Variants in UBR7 observed in about 807,000 individuals in gnomAD.
UBR7 encodes ubiquitin protein ligase E3 component n-recognin 7.
Under a neutral mutation model 57.0 loss-of-function variants are expected in UBR7, and 22 were observed. The observed-to-expected ratio is 0.39, with a 90% confidence interval of 0.28 to 0.55. UBR7 has a LOEUF of 0.55. Ranked by LOEUF, UBR7 falls within the 20% of genes least tolerant of loss-of-function variation. UBR7 has a pLI of 0.69. For synonymous variants in UBR7, 167 were observed against 179.8 expected (o/e 0.93, Z 0.57); for missense variants, 395 against 513.2 (o/e 0.77, Z 2.23).
intron 10 of UBR7, 65 bp downstream of exon 10, chr14:93,222,439 T>G: frequency 7.9e-7 from 1 of 1,265,196 alleles, no homozygotes; most frequent in South Asian, 1.2e-5. Flanking sequence ...TTATTTCCTT[T>G]GACGATTAAA....
Position 93,228,017 on chromosome 14 carries a change from TAAAGA to T in UBR7, c.*986_*990del, listed in dbSNP as rs1476242437. The T allele has an allele frequency of 1.4e-6, 1 of 698,248 alleles. No homozygotes were observed. Among genetic ancestry groups the T allele is most frequent in the Admixed American group, 2.0e-5 (1 of 49,858 alleles). 43.3% of individuals were successfully genotyped at this position (698,248 alleles called of 1,614,324 possible). On this transcript the variant is annotated 3_prime_UTR_variant, in exon 11 of 11. Coordinates refer to ENST00000013070, the MANE Select transcript of UBR7 (RefSeq NM_175748.4). ...TATTATTTTTCCCCCTTGAATCTGCTAAAGAAAACAGATCCTGACTTAGCTTACTT... is the reference window on the plus strand; with the variant it reads ...TATTATTTTTCCCCCTTGAATCTGCTAAACAGATCCTGACTTAGCTTACTT...
chr14:93,225,578 A>T (rs1248869607), intron 10 of UBR7, among the ~76,000 whole-genome samples: 1 of 152,128 alleles, frequency 6.6e-6, no homozygotes, highest in African/African-American at 2.4e-5. Flanking sequence ...GGCTCCAATG[A>T]GCTATCATCA....
chr14:93,227,063 G>T lies in UBR7; in HGVS notation c.*28G>T. The T allele has an allele frequency of 6.4e-7, 1 of 1,555,570 alleles. No individual in the cohort carries two copies. ...TGGAGTATGAAGCTTTCTCATTCAA[G>T]CCAATGAAAATGCGCTTCCCATTCT... On this transcript the variant is annotated 3_prime_UTR_variant, in exon 11 of 11. Transcript: ENST00000013070.
intron 9 of UBR7, among the ~76,000 whole-genome samples, chr14:93,221,344 C>T (rs1566823729): frequency 6.6e-6 from 1 of 152,002 alleles, no homozygotes; most frequent in East Asian, 1.9e-4. Context: ...GAACTTCTGA[C>T]CTCAGGTGAT....
intron 6 of UBR7, 125 bp from the exon 7 acceptor site, chr14:93,218,402 C>A: frequency 2.3e-6 from 2 of 852,340 alleles, no homozygotes; most frequent in Non-Finnish European, 3.7e-6. Context: ...CAGAGTGAGA[C>A]TCTGTCTGTA....
At chr14:93,221,592 T>G (rs1894708599) in intron 9 of UBR7, among the ~76,000 whole-genome samples, 1 of 152,120 alleles carries the variant, frequency 6.6e-6, no homozygotes, top group South Asian at 2.1e-4. Context: ...CTTTTTGCCT[T>G]TATTAGAGTA....
chr14:93,207,303 C>A lies in UBR7; in HGVS notation c.12C>A (p.Ala4=), dbSNP rs754957007. 3.2e-6 allele frequency: 5 copies of A among 1,555,824 alleles called. No individual in the cohort carries two copies. The African/African-American group carries it at 6.8e-5, about 21-fold the overall frequency. MAG[A]EGAAGRQSEL... ...GCTGACAGTTGAGGATGGCCGGAGC[C>A]GAGGGCGCCGCTGGGCGGCAGTCGG... The change falls in exon 1 of 11, where the codon GCC becomes GCA. Residue 4 remains alanine (A), a synonymous_variant. Coordinates refer to ENST00000013070, the MANE Select transcript of UBR7 (RefSeq NM_175748.4).
At chr14:93,220,218 CTTTCTT>C (rs748250410) in intron 8 of UBR7, 25 bp from the exon 9 acceptor site, 6 of 1,439,736 alleles carry the variant, frequency 4.2e-6, no homozygotes, top group Middle Eastern at 2.1e-4. Flanking sequence ...GGAAACTCCT[CTTTCTT>C]TTTTTTTTTT....
rs754753155 is a variant in UBR7, at chr14:93,228,426, A to G, written c.*1391A>G. 16 of 454,202 alleles carry G rather than the reference A, an allele frequency of 3.5e-5. 1 individual carries two copies. The highest frequency in any genetic ancestry group is 2.5e-4 in the South Asian group (16 of 64,482). 28.1% of individuals were successfully genotyped at this position (454,202 alleles called of 1,614,324 possible). ...TTCAGGCTGTGGGGCCACCATGTATATTAATACTCCTTATGTGTCCAGCAT... is the reference window on the plus strand; with the variant it reads ...TTCAGGCTGTGGGGCCACCATGTATGTTAATACTCCTTATGTGTCCAGCAT... On this transcript the variant is annotated 3_prime_UTR_variant, in exon 11 of 11. Coordinates refer to ENST00000013070, the MANE Select transcript of UBR7 (RefSeq NM_175748.4).
intron 10 of UBR7, chr14:93,224,155 C>T: frequency 1.6e-6 from 1 of 629,712 alleles, no homozygotes; most frequent in Non-Finnish European, 2.8e-6. Context: ...CCTCTCCGCG[C>T]TCGCCACCAC....
chr14:93,213,454 C>A (rs949770857), intron 4 of UBR7, among the ~76,000 whole-genome samples: 6 of 151,872 alleles, frequency 4.0e-5, no homozygotes, highest in African/African-American at 1.5e-4. Flanking sequence ...ACTACAGGTG[C>A]CCGCCACCAC....
In UBR7 at chr14:93,207,297, C is replaced by T. The variant is rs145467017; in HGVS notation, c.6C>T (p.Ala2=). 18 of 1,554,716 alleles carry T rather than the reference C, an allele frequency of 1.2e-5. No individual in the cohort carries two copies. In the African/African-American group the frequency reaches 1.4e-4, roughly 12 times the overall value. The part of the protein sequence containing the change: M[A]GAEGAAGRQS... ...TGTTCGGCTGACAGTTGAGGATGGCCGGAGCCGAGGGCGCCGCTGGGCGGC... is the reference window on the plus strand; with the variant it reads ...TGTTCGGCTGACAGTTGAGGATGGCTGGAGCCGAGGGCGCCGCTGGGCGGC... Residue 2 remains alanine, a synonymous_variant, in exon 1 of 11, where the codon GCC becomes GCT. Coordinates refer to ENST00000013070, the MANE Select transcript of UBR7 (RefSeq NM_175748.4).
At chr14:93,215,333 G>T (rs1894569662) in intron 6 of UBR7, 52 bp downstream of exon 6, 2 of 1,446,460 alleles carry the variant, frequency 1.4e-6, no homozygotes, top group Admixed American at 3.9e-5. Flanking sequence ...TGTGAAATTT[G>T]TATGTTCAAT....
chr14:93,221,763 C>T (rs1042915728), intron 9 of UBR7, among the ~76,000 whole-genome samples: 4 of 151,626 alleles, frequency 2.6e-5, no homozygotes, highest in African/African-American at 7.3e-5. Flanking sequence ...AGGTGGATCA[C>T]CTGAGGTCAG....
intron 6 of UBR7, among the ~76,000 whole-genome samples, chr14:93,216,961 C>A (rs541038482): frequency 1.3e-5 from 2 of 152,142 alleles, no homozygotes; most frequent in Admixed American, 1.3e-4. Flanking sequence ...CTGTTCACAC[C>A]CTTTCCAGTG....
At chr14:93,214,463 A>C (rs954096410) in intron 4 of UBR7, among the ~76,000 whole-genome samples, 1 of 152,256 alleles carries the variant, frequency 6.6e-6, no homozygotes, top group African/African-American at 2.4e-5. Context: ...TATTCAAATT[A>C]GAGGAGTTAT....
chr14:93,225,133 T>C (rs1472497938), intron 10 of UBR7, among the ~76,000 whole-genome samples: 1 of 152,136 alleles, frequency 6.6e-6, no homozygotes, highest in Non-Finnish European at 1.5e-5. Context: ...AAAAATGTGG[T>C]ATTTTTGTTG....
At chr14:93,218,102 A>C (rs1045483355) in intron 6 of UBR7, among the ~76,000 whole-genome samples, 16 of 148,462 alleles carry the variant, frequency 1.1e-4, no homozygotes, top group African/African-American at 3.2e-4. Flanking sequence ...CTCAAAAAAA[A>C]AAAAAAAATA....
intron 4 of UBR7, among the ~76,000 whole-genome samples, chr14:93,214,598 T>G (rs768665267): frequency 3.7e-4 from 57 of 152,228 alleles, no homozygotes; most frequent in Non-Finnish European, 6.0e-4. Flanking sequence ...CCTTATACAG[T>G]AATACAACTG....
Sources: allele counts gnomAD v4.1 joint callset (sites outside exome capture counted in the v4.1 genomes callset), GRCh38; gene constraint gnomAD v4.1.1; transcripts MANE v1.5; gene names NCBI Gene and HGNC (gene_info 2026-07-23, HGNC 2026-07-21).